CSGALNACT1: variants seen among roughly 807,000 people sequenced by gnomAD.
CSGALNACT1 encodes beta4GalNAcT-1.
In CSGALNACT1, 52 loss-of-function variants were observed where a neutral mutation model predicts 51.0. That is an observed-to-expected ratio of 1.02 (90% confidence interval 0.82 to 1.29). The LOEUF (loss-of-function observed/expected upper bound fraction) is 1.29, where lower values mean the gene tolerates loss of function less well. Among genes scored for constraint, CSGALNACT1 ranks in the 50% most tolerant of loss-of-function variants. The pLI, the probability that CSGALNACT1 is intolerant of heterozygous loss-of-function variation, is 0.00. For synonymous variants in CSGALNACT1, 341 were observed against 254.4 expected (o/e 1.34, Z -3.24); for missense variants, 935 against 679.2 (o/e 1.38, Z -4.19).
At chr8:19,638,377 A>G (rs546340863) in intron 1 of CSGALNACT1, among the ~76,000 whole-genome samples, 1 of 151,986 alleles carries the variant, frequency 6.6e-6, no homozygotes, top group Non-Finnish European at 1.5e-5. Context: ...GATCACACCC[A>G]TCGGTGCCCA....
exon 9 of CSGALNACT1, chr8:19,408,658 C>G: frequency 6.2e-7 from 1 of 1,613,780 alleles, no homozygotes; most frequent in Non-Finnish European, 8.5e-7. Flanking sequence ...ATCCCAAATC[C>G]AAAGTCTCTC....
chr8:19,621,785 A>C (rs2053857394), intron 1 of CSGALNACT1, among the ~76,000 whole-genome samples: 1 of 152,194 alleles, frequency 6.6e-6, no homozygotes, highest in Non-Finnish European at 1.5e-5. Context: ...TGTCTCTAAA[A>C]AATAAAAATA....
intron 1 of CSGALNACT1, chr8:19,688,766 T>G (rs2061122553): frequency 6.6e-6 from 1 of 152,328 alleles, no homozygotes; most frequent in Non-Finnish European, 1.5e-5. Flanking sequence ...TGCTTCCAGA[T>G]CATCATCTCC....
chr8:19,487,902 T>C (rs553654229), intron 4 of CSGALNACT1, among the ~76,000 whole-genome samples: 7 of 147,040 alleles, frequency 4.8e-5, no homozygotes, highest in East Asian at 3.9e-4. Flanking sequence ...CTTCAAGATA[T>C]GCTAAAAAAA....
At chr8:19,727,911 T>C (rs1404498357) in intron 1 of CSGALNACT1, among the ~76,000 whole-genome samples, 4 of 152,194 alleles carry the variant, frequency 2.6e-5, no homozygotes, top group Non-Finnish European at 5.9e-5. Context: ...GAAATAAACA[T>C]ATATTTCCTT....
intron 3 of CSGALNACT1, among the ~76,000 whole-genome samples, chr8:19,567,609 G>A (rs780822571): frequency 6.6e-6 from 1 of 152,148 alleles, no homozygotes; most frequent in Non-Finnish European, 1.5e-5. Flanking sequence ...CTTAAACTCT[G>A]TACTCAAGAT....
intron 1 of CSGALNACT1, among the ~76,000 whole-genome samples, chr8:19,647,658 C>T (rs1308124436): frequency 6.6e-6 from 1 of 152,154 alleles, no homozygotes; most frequent in East Asian, 1.9e-4. Flanking sequence ...TCAATGGCTG[C>T]ATAATTTACA....
At chr8:19,665,815 T>G (rs2059134304) in intron 1 of CSGALNACT1, among the ~76,000 whole-genome samples, 1 of 152,238 alleles carries the variant, frequency 6.6e-6, no homozygotes, top group South Asian at 2.1e-4. Context: ...ACTAAAAATG[T>G]GTTCTTCGCT....
intron 4 of CSGALNACT1, among the ~76,000 whole-genome samples, chr8:19,497,928 T>A (rs1403261121): frequency 6.6e-6 from 1 of 152,036 alleles, no homozygotes; most frequent in Non-Finnish European, 1.5e-5. Context: ...CCGCTTTGAG[T>A]CTTACCACCT....
chr8:19,516,476 G>C (rs2154024333), intron 3 of CSGALNACT1, among the ~76,000 whole-genome samples: 1 of 152,166 alleles, frequency 6.6e-6, no homozygotes, highest in East Asian at 1.9e-4. Flanking sequence ...TTATGAGCTT[G>C]CCTGGCCCCT....
Position 19,523,586 on chromosome 8 carries a change from C to T in CSGALNACT1, c.-296-17456G>A, listed in dbSNP as rs149279814. 7.4e-4 allele frequency among the ~76,000 whole-genome samples: 113 copies of T among 152,266 alleles called. No homozygotes were observed. The East Asian group carries it at 0.016, about 22-fold the overall frequency. On this transcript the variant is annotated intron_variant, in intron 3 of 9. Coordinates refer to ENST00000454498, the Ensembl canonical transcript of CSGALNACT1. ...CGCCCAGGCTACATGGTACTATTCA[C>T]ACCCAGGCTACATTGTACTATTAAA... is the stretch of plus-strand genomic sequence containing the variant.
At chr8:19,618,393 A>T (rs2053325149) in intron 1 of CSGALNACT1, among the ~76,000 whole-genome samples, 1 of 151,868 alleles carries the variant, frequency 6.6e-6, no homozygotes, top group African/African-American at 2.4e-5. Flanking sequence ...GTAATCCCAC[A>T]ATTTTGGGAG....
intron 1 of CSGALNACT1, chr8:19,682,436 T>G: frequency 3.4e-6 from 1 of 297,966 alleles, no homozygotes; most frequent in East Asian, 7.7e-5. Context: ...GCAGCAAATT[T>G]CACACCCAAT....
chr8:19,404,837 C>A, exon 10 of CSGALNACT1: 1 of 454,484 alleles, frequency 2.2e-6, no homozygotes, highest in South Asian at 1.6e-5. Flanking sequence ...CAGAAAGTGT[C>A]ATTTTCTTTT....
At chr8:19,721,017 C>T (rs1014963703) in intron 1 of CSGALNACT1, among the ~76,000 whole-genome samples, 4 of 152,100 alleles carry the variant, frequency 2.6e-5, no homozygotes, top group East Asian at 3.9e-4. Context: ...CACTGTTTCC[C>T]GGACCACACT....
In CSGALNACT1 at chr8:19,448,612, A is replaced by AG. The variant is rs1411560426; in HGVS notation, c.852-8682dup. The stretch of plus-strand genomic sequence containing the variant: ...GTTATTTCCACTGGGTGCCAGGGAA[A>AG]GGGGGACTGAGGAGGAGGGGGATCC... On this transcript the variant is annotated intron_variant, in intron 5 of 9. Coordinates refer to ENST00000454498, the Ensembl canonical transcript of CSGALNACT1. Among the ~76,000 whole-genome samples, 9 of 152,254 alleles carry AG rather than the reference A, an allele frequency of 5.9e-5. No individual in the cohort carries two copies. The East Asian group carries it at 1.7e-3, about 29-fold the overall frequency.
rs185480046 is a variant in CSGALNACT1 at position 19,503,314 on chromosome 8, G to T, written c.634+1887C>A. 1.4e-3 allele frequency among the ~76,000 whole-genome samples: 218 copies of T among 152,294 alleles called. 1 individual carries two copies. Among genetic ancestry groups the T allele is most frequent in the African/African-American group, 5.1e-3 (211 of 41,562 alleles). ...GAGTAGCTATAATGTGTCTCTAAAA[G>T]AAGGTCAGCCAAGCCTCAGAGCAAA... is the stretch of plus-strand genomic sequence containing the variant. On this transcript the variant is annotated intron_variant, in intron 4 of 9. Transcript: ENST00000454498.
chr8:19,423,139 G>A (rs1019618559), intron 6 of CSGALNACT1, among the ~76,000 whole-genome samples: 8 of 152,138 alleles, frequency 5.3e-5, no homozygotes, highest in Non-Finnish European at 1.0e-4. Flanking sequence ...AAAAATACCT[G>A]AACAACAGCA....
rs1342281676 is a variant in CSGALNACT1 at position 19,505,529 on chromosome 8, A to G, written c.306T>C (p.Asp102=). Reference sequence around the variant, plus strand: ...TCCTGTCCAGACCCAGGCCAGCAGCATCGCTGGCTTGGTACTGCCCATTCC... The same window carrying G: ...TCCTGTCCAGACCCAGGCCAGCAGCGTCGCTGGCTTGGTACTGCCCATTCC... Residue 102 remains aspartate, a synonymous_variant, in exon 4 of 10, where the codon GAT becomes GAC. Coordinates refer to ENST00000454498, the Ensembl canonical transcript of CSGALNACT1. 2.5e-6 allele frequency: 4 copies of G among 1,613,878 alleles called. No homozygotes were observed. The highest frequency in any genetic ancestry group is 1.3e-5 in the African/African-American group (1 of 74,932).
Sources: gnomAD v4.1 joint callset for allele counts (sites outside exome capture counted in the v4.1 genomes callset) on GRCh38, gnomAD v4.1.1 for gene constraint, MANE v1.5 for transcripts, NCBI Gene and HGNC (gene_info 2026-07-23, HGNC 2026-07-21) for gene names.